OSBPL1A: variants seen among roughly 807,000 people sequenced by gnomAD.
OSBPL1A encodes the protein oxysterol-binding protein-related protein 1.
In OSBPL1A, 80 loss-of-function variants were observed where a neutral mutation model predicts 137.1. The ratio of observed to expected loss-of-function variants is 0.58; its 90% CI spans 0.49 to 0.70. The LOEUF (loss-of-function observed/expected upper bound fraction) is 0.70, where lower values mean the gene tolerates loss of function less well. Ranked by LOEUF, OSBPL1A falls within the 30% of genes least tolerant of loss-of-function variation. The probability of loss-of-function intolerance (pLI) is 0.00; values close to 1 mark genes in which losing one functional copy is unlikely to be tolerated. For synonymous variants in OSBPL1A, 365 were observed against 389.7 expected, an observed-to-expected ratio of 0.94 and a Z score of 0.75; for missense variants, 970 against 1,129.4, an observed-to-expected ratio of 0.86 and a Z score of 2.02.
intron 6 of OSBPL1A, 37 bp downstream of exon 6, chr18:24,334,208 T>A (rs773556463): frequency 6.5e-7 from 1 of 1,547,432 alleles, no homozygotes; most frequent in Non-Finnish European, 8.8e-7. Flanking sequence ...AAAGAAAGAC[T>A]GCTTTTTGTC....
At chr18:24,381,374 G>C (rs1056726448) in intron 1 of OSBPL1A, among the ~76,000 whole-genome samples, 1 of 152,196 alleles carries the variant, frequency 6.6e-6, no homozygotes, top group Admixed American at 6.5e-5. Flanking sequence ...CAAGGGTGGA[G>C]GGTTCTTGCT....
At chr18:24,315,907 A>G (rs2090726234) in intron 11 of OSBPL1A, among the ~76,000 whole-genome samples, 1 of 134,876 alleles carries the variant, frequency 7.4e-6, no homozygotes, top group South Asian at 2.1e-4. Flanking sequence ...ATTATATATT[A>G]TATAATATTA....
rs115553510 is a variant in OSBPL1A at position 24,328,851 on chromosome 18, T to A, written c.625+4091A>T. Among the ~76,000 whole-genome samples the A allele has an allele frequency of 7.1e-3, 1,081 of 152,320 alleles. 12 individuals carry two copies. Among genetic ancestry groups the A allele is most frequent in the African/African-American group, 0.024 (1,014 of 41,578 alleles). Reference sequence around the variant, plus strand: ...TGTAAGATCTCACTGATAATTACTGTTTACCGATTATATGTTGAAATGGCA... The same window carrying A: ...TGTAAGATCTCACTGATAATTACTGATTACCGATTATATGTTGAAATGGCA... On this transcript the variant is annotated intron_variant, in intron 7 of 27. Transcript: ENST00000319481.
intron 18 of OSBPL1A, 195 bp downstream of exon 18, chr18:24,195,930 G>T: frequency 6.0e-6 from 3 of 501,976 alleles, no homozygotes; most frequent in East Asian, 3.7e-5. Context: ...CATCAAAAAT[G>T]CACACTAAAG....
At chr18:24,379,992 T>C (rs760405669) in intron 1 of OSBPL1A, among the ~76,000 whole-genome samples, 4 of 152,208 alleles carry the variant, frequency 2.6e-5, no homozygotes, top group Non-Finnish European at 5.9e-5. Context: ...CATGAAATTT[T>C]AGAACTTTGG....
chr18:24,321,965 G>T (rs961767636), intron 7 of OSBPL1A, among the ~76,000 whole-genome samples: 1 of 151,968 alleles, frequency 6.6e-6, no homozygotes, highest in African/African-American at 2.4e-5. Context: ...GTGCAATATG[G>T]CTTGTAAACG....
Position 24,314,250 on chromosome 18 carries a change from T to G in OSBPL1A, c.968A>C (p.Glu323Ala), listed in dbSNP as rs1355265637. 5.1e-6 allele frequency: 8 copies of G among 1,583,034 alleles called. No individual in the cohort carries two copies. Among genetic ancestry groups the G allele is most frequent in the Non-Finnish European group, 6.9e-6 (8 of 1,162,082 alleles). ...AGATACATGAATCCATAAGATTACCTCTCTTGACTGCTGAAGGCTATTCTT... is the reference window on the plus strand; with the variant it reads ...AGATACATGAATCCATAAGATTACCGCTCTTGACTGCTGAAGGCTATTCTT... The part of the protein sequence containing the change: ...VPKNSLQQSR[E>A]DWLEAIEEHS... The change falls in exon 12 of 28, where the codon GAG becomes GCG. Residue 323 changes from glutamate to alanine, a missense_variant and splice_region_variant. Transcript: ENST00000319481.
intron 21 of OSBPL1A, among the ~76,000 whole-genome samples, chr18:24,176,371 C>T (rs1364656458): frequency 6.6e-6 from 1 of 152,164 alleles, no homozygotes; most frequent in Non-Finnish European, 1.5e-5. Flanking sequence ...TCAACATACA[C>T]ATCCTTTACA....
intron 16 of OSBPL1A, among the ~76,000 whole-genome samples, chr18:24,230,866 A>T (rs1202876857): frequency 6.6e-6 from 1 of 152,190 alleles, no homozygotes; most frequent in Non-Finnish European, 1.5e-5. Context: ...CGGGAAATGG[A>T]ATACTCTTGA....
intron 1 of OSBPL1A, among the ~76,000 whole-genome samples, chr18:24,382,560 G>C (rs1456758585): frequency 2.0e-5 from 3 of 151,960 alleles, no homozygotes; most frequent in African/African-American, 7.3e-5. Flanking sequence ...CTGTGTAACA[G>C]AGACTCCGTC....
intron 18 of OSBPL1A, among the ~76,000 whole-genome samples, chr18:24,183,053 T>C (rs1220418522): frequency 2.0e-5 from 3 of 151,886 alleles, no homozygotes; most frequent in African/African-American, 7.3e-5. Context: ...ATTTTTTTAG[T>C]AGAGACAGGG....
At chr18:24,272,392 G>T (rs2089746420) in intron 15 of OSBPL1A, among the ~76,000 whole-genome samples, 1 of 151,976 alleles carries the variant, frequency 6.6e-6, no homozygotes, top group Admixed American at 6.5e-5. Context: ...AAGACTGAAA[G>T]GCAGTCTTCA....
chr18:24,393,021 C>T (rs1217790080), intron 1 of OSBPL1A, among the ~76,000 whole-genome samples: 2 of 152,102 alleles, frequency 1.3e-5, no homozygotes, highest in Admixed American at 6.6e-5. Flanking sequence ...GTGTTTTCTC[C>T]TGACGTTATA....
chr18:24,198,808 C>T (rs533168517), intron 17 of OSBPL1A, among the ~76,000 whole-genome samples: 2 of 151,940 alleles, frequency 1.3e-5, no homozygotes, highest in Non-Finnish European at 2.9e-5. Flanking sequence ...CCGAGGGCAA[C>T]CTGAGCTGGG....
intron 4 of OSBPL1A, chr18:24,357,144 T>C (rs1347275200): frequency 7.2e-5 from 11 of 152,170 alleles, no homozygotes; most frequent in African/African-American, 2.4e-4. Context: ...TTAGATTTAT[T>C]TGCCAAAGTT....
chr18:24,318,446 A>G (rs1391784805), intron 9 of OSBPL1A, among the ~76,000 whole-genome samples, 155 bp downstream of exon 9: 1 of 152,054 alleles, frequency 6.6e-6, no homozygotes, highest in Non-Finnish European at 1.5e-5. Flanking sequence ...CAATAACTAA[A>G]AATAAAAAAA....
intron 16 of OSBPL1A, among the ~76,000 whole-genome samples, chr18:24,231,017 T>A (rs2145996020): frequency 6.6e-6 from 1 of 152,228 alleles, no homozygotes; most frequent in East Asian, 1.9e-4. Context: ...CTCGGCAGGC[T>A]GAGGTGGAGG....
chr18:24,173,124 ATTC>A (rs978793412), intron 21 of OSBPL1A, among the ~76,000 whole-genome samples: 2 of 152,292 alleles, frequency 1.3e-5, no homozygotes, highest in Admixed American at 6.5e-5. Context: ...GGAGTCCATT[ATTC>A]TTAGCAAACT....
intron 1 of OSBPL1A, among the ~76,000 whole-genome samples, chr18:24,381,066 G>C (rs779101883): frequency 6.6e-6 from 1 of 152,088 alleles, no homozygotes; most frequent in Admixed American, 6.5e-5. Context: ...AGTGATACTC[G>C]TTAAAGCATG....
Sources: allele counts gnomAD v4.1 joint callset (sites outside exome capture counted in the v4.1 genomes callset), GRCh38; gene constraint gnomAD v4.1.1; transcripts MANE v1.5; gene names NCBI Gene and HGNC (gene_info 2026-07-23, HGNC 2026-07-21).